FOCAD: variants seen among roughly 807,000 people sequenced by gnomAD.
FOCAD encodes focadhesin.
Under a neutral mutation model 225.6 loss-of-function variants are expected in FOCAD, and 198 were observed. That is an observed-to-expected ratio of 0.88 (90% CI 0.78 to 0.99). The LOEUF is 0.99. Ranked by LOEUF, FOCAD falls within the 50% of genes least tolerant of loss-of-function variation. FOCAD has a pLI of 0.00. For missense variants in FOCAD, 2,713 were observed against 2,123.6 expected, an observed-to-expected ratio of 1.28 and a Z score of -5.46; for synonymous variants, 897 against 755.0, an observed-to-expected ratio of 1.19 and a Z score of -3.08.
At chr9:20,680,858 A>G (rs1306553162), upstream of FOCAD, among the ~76,000 whole-genome samples, 1 of 152,150 alleles carries the variant, frequency 6.6e-6, no homozygotes, top group Non-Finnish European at 1.5e-5. Context: ...TGTTAGCCGA[A>G]CACTGTGGTG....
intron 39 of FOCAD, among the ~76,000 whole-genome samples, chr9:20,983,781 G>T (rs554640702): frequency 6.6e-6 from 1 of 152,094 alleles, no homozygotes; most frequent in African/African-American, 2.4e-5. Flanking sequence ...CTGTAAAGGA[G>T]AGATAATAAC....
At chr9:20,782,099 A>C (rs1482929853) in intron 10 of FOCAD, among the ~76,000 whole-genome samples, 170 bp downstream of exon 10, 1 of 152,210 alleles carries the variant, frequency 6.6e-6, no homozygotes, top group Non-Finnish European at 1.5e-5. Context: ...AAGAAGGGAT[A>C]GTAGTCCTGT....
chr9:20,672,362 G>C (rs1308179305), intron 2 of FOCAD, among the ~76,000 whole-genome samples: 1 of 152,166 alleles, frequency 6.6e-6, no homozygotes, highest in African/African-American at 2.4e-5. Context: ...CATCTTTATT[G>C]ATAAATATCA....
chr9:20,936,110 GT>G (rs1218421509), intron 28 of FOCAD, among the ~76,000 whole-genome samples: 2 of 152,182 alleles, frequency 1.3e-5, no homozygotes, highest in Non-Finnish European at 2.9e-5. Flanking sequence ...CAACATCGTA[GT>G]TTTTTAGACT....
At chr9:20,949,935 G>A (rs976114707) in intron 33 of FOCAD, among the ~76,000 whole-genome samples, 2 of 152,024 alleles carry the variant, frequency 1.3e-5, no homozygotes, top group African/African-American at 4.8e-5. Context: ...ATTAAAGCCT[G>A]ATTCTGCGAG....
chr9:20,953,824 A>T (rs943854844), intron 35 of FOCAD, among the ~76,000 whole-genome samples: 1 of 152,100 alleles, frequency 6.6e-6, no homozygotes, highest in Non-Finnish European at 1.5e-5. Context: ...TTCCTTGGTT[A>T]GGTCAGTCTG....
chr9:20,870,912 T>A (rs1325393395), intron 18 of FOCAD, among the ~76,000 whole-genome samples: 1 of 152,122 alleles, frequency 6.6e-6, no homozygotes, highest in Non-Finnish European at 1.5e-5. Context: ...GTTTTAAAAG[T>A]AAATTATCAG....
chr9:20,949,794 G>C (rs891426675), intron 33 of FOCAD, 119 bp downstream of exon 33: 1 of 848,500 alleles, frequency 1.2e-6, no homozygotes, highest in Non-Finnish European at 1.9e-6. Flanking sequence ...GGTTATTCCC[G>C]CTGAGTTCAA....
chr9:20,936,202 C>G (rs1394496324), intron 28 of FOCAD, among the ~76,000 whole-genome samples: 1 of 152,170 alleles, frequency 6.6e-6, no homozygotes, highest in Non-Finnish European at 1.5e-5. Flanking sequence ...GCACTAACTT[C>G]CAGTTTATTG....
At chr9:20,738,135 CT>C (rs1274235720) in intron 4 of FOCAD, among the ~76,000 whole-genome samples, 1 of 152,100 alleles carries the variant, frequency 6.6e-6, no homozygotes, top group Non-Finnish European at 1.5e-5. Flanking sequence ...GTTGAGGTAT[CT>C]TTTTCCTAAG....
chr9:20,962,812 C>T (rs1838876159), intron 35 of FOCAD, among the ~76,000 whole-genome samples: 1 of 152,164 alleles, frequency 6.6e-6, no homozygotes, highest in South Asian at 2.1e-4. Flanking sequence ...GTTAGGCCTT[C>T]TCAGTTCCAA....
intron 6 of FOCAD, among the ~76,000 whole-genome samples, chr9:20,761,849 A>G (rs776911062): frequency 6.6e-6 from 1 of 152,118 alleles, no homozygotes; most frequent in African/African-American, 2.4e-5. Flanking sequence ...AACATTTTAA[A>G]TCACTTTGGG....
At chr9:20,802,554 G>A (rs977567989) in intron 11 of FOCAD, among the ~76,000 whole-genome samples, 1 of 152,102 alleles carries the variant, frequency 6.6e-6, no homozygotes, top group Non-Finnish European at 1.5e-5. Context: ...TTTGGTATGT[G>A]TGTTGTTGAC....
intron 35 of FOCAD, among the ~76,000 whole-genome samples, chr9:20,959,687 T>C (rs1013790981): frequency 5.9e-5 from 9 of 152,172 alleles, no homozygotes; most frequent in African/African-American, 2.2e-4. Flanking sequence ...ATGTCTTTGA[T>C]GCATTTTGAA....
intron 28 of FOCAD, among the ~76,000 whole-genome samples, chr9:20,941,793 A>G (rs1836682521): frequency 6.6e-6 from 1 of 152,218 alleles, no homozygotes; most frequent in South Asian, 2.1e-4. Flanking sequence ...TGGAGACACC[A>G]ACACTTAACT....
At chr9:20,775,566 G>C (rs1462447619) in intron 8 of FOCAD, among the ~76,000 whole-genome samples, 1 of 152,146 alleles carries the variant, frequency 6.6e-6, no homozygotes, top group Non-Finnish European at 1.5e-5. Flanking sequence ...GGATTGTGTG[G>C]GTTGGGCCAC....
intron 28 of FOCAD, among the ~76,000 whole-genome samples, chr9:20,938,321 G>T (rs1334831521): frequency 6.6e-6 from 1 of 152,058 alleles, no homozygotes; most frequent in Non-Finnish European, 1.5e-5. Context: ...CAAAGACTTG[G>T]AACCAACCCA....
chr9:20,865,710 A>C (rs1302925689), intron 16 of FOCAD, among the ~76,000 whole-genome samples: 1 of 152,102 alleles, frequency 6.6e-6, no homozygotes, highest in Non-Finnish European at 1.5e-5. Context: ...TCATTATCTT[A>C]AAATCTTAAT....
chr9:20,948,295 G>A lies in FOCAD; in HGVS notation c.3700G>A (p.Gly1234Arg). The A allele has an allele frequency of 5.0e-6, 8 of 1,609,672 alleles. No homozygotes were observed. The highest frequency in any genetic ancestry group is 6.8e-6 in the Non-Finnish European group (8 of 1,177,638). ...GACTTCAGGTTTTGCCCTGGCTTTA[G>A]GAAACATAGTTCATGGATTGTCTGT... ...QQTSGFALALGNIVHGLSVCG... is the reference protein window; with the variant it reads ...QQTSGFALALRNIVHGLSVCG... Residue 1234 changes from glycine to arginine, a missense_variant, in exon 31 of 44, where the codon GGA becomes AGA. Gly to Arg is a moderately radical substitution (Grantham distance 125). Transcript: ENST00000338382.
Sources: gnomAD v4.1 joint callset for allele counts (sites outside exome capture counted in the v4.1 genomes callset) on GRCh38, gnomAD v4.1.1 for gene constraint, MANE v1.5 for transcripts, NCBI Gene and HGNC (gene_info 2026-07-23, HGNC 2026-07-21) for gene names.